RBM18: variants seen among roughly 807,000 people sequenced by gnomAD.
The protein encoded by RBM18 is probable RNA-binding protein 18.
A neutral mutation model predicts 26.4 loss-of-function variants in RBM18; 18 were observed. That is an observed-to-expected ratio of 0.68 (90% confidence interval 0.47 to 1.01). The LOEUF is 1.01. Among genes scored for constraint, RBM18 ranks in the 50% least tolerant of loss-of-function variants. The pLI is 0.00. For synonymous variants in RBM18, 74 were observed against 81.1 expected, an observed-to-expected ratio of 0.91 and a Z score of 0.47; for missense variants, 180 against 219.2, an observed-to-expected ratio of 0.82 and a Z score of 1.13.
At chr9:122,254,379 GGAATGAAAT>G (rs1253609353) in intron 2 of RBM18, 1 of 765,242 alleles carries the variant, frequency 1.3e-6, no homozygotes, top group African/African-American at 1.9e-5. Context: ...TGAAACAAAA[GGAATGAAAT>G]GTTTACTATT....
At chr9:122,249,999 G>A (rs1424648620) in intron 3 of RBM18, among the ~76,000 whole-genome samples, 1 of 145,594 alleles carries the variant, frequency 6.9e-6, no homozygotes, top group Non-Finnish European at 1.5e-5. Context: ...TGAACCCAGA[G>A]GTCAAGGGTG....
At chr9:122,263,527 G>C (rs957670283) in intron 1 of RBM18, among the ~76,000 whole-genome samples, 1 of 152,226 alleles carries the variant, frequency 6.6e-6, no homozygotes, top group Non-Finnish European at 1.5e-5. Flanking sequence ...AGTCAGAGCA[G>C]TGAACAAGCA....
At chr9:122,242,630 A>G (rs1831439303) in intron 5 of RBM18, among the ~76,000 whole-genome samples, 1 of 151,622 alleles carries the variant, frequency 6.6e-6, no homozygotes, top group South Asian at 2.1e-4. Flanking sequence ...AAGTGCTTAC[A>G]ATGAGCCAGG....
At chr9:122,244,177 A>G (rs1460080925) in intron 5 of RBM18, among the ~76,000 whole-genome samples, 1 of 152,190 alleles carries the variant, frequency 6.6e-6, no homozygotes, top group African/African-American at 2.4e-5. Context: ...TAAATGAATA[A>G]CTATAGAATG....
chr9:122,246,698 T>G (rs1254007318), intron 4 of RBM18, among the ~76,000 whole-genome samples: 1 of 152,178 alleles, frequency 6.6e-6, no homozygotes, highest in East Asian at 1.9e-4. Flanking sequence ...GACTCTTTAC[T>G]GGGAAGTTTG....
At chr9:122,254,846 G>T (rs1252399581) in intron 2 of RBM18, among the ~76,000 whole-genome samples, 1 of 152,352 alleles carries the variant, frequency 6.6e-6, no homozygotes, top group Middle Eastern at 3.4e-3. Context: ...TACACAGAGG[G>T]ATGAATACGA....
At chr9:122,249,642 G>A (rs1264462592) in intron 3 of RBM18, among the ~76,000 whole-genome samples, 1 of 151,498 alleles carries the variant, frequency 6.6e-6, no homozygotes, top group Admixed American at 6.6e-5. Flanking sequence ...CCAGGAAGTT[G>A]AGGCTGCACT....
chr9:122,241,964 G>A lies in RBM18; in HGVS notation c.493C>T (p.Pro165Ser), dbSNP rs1360542658. 6.2e-7 allele frequency: 1 copy of A among 1,614,048 alleles called. No individual in the cohort carries two copies. The change falls in exon 6 of 6, where the codon CCT (proline) becomes TCT (serine). Residue 165 changes from proline (P) to serine (S), a missense_variant. This residue lies in a region of RBM18 where 103 missense variants were observed against 102.8 expected (regional missense o/e 1.00). Transcript: ENST00000417201. ...ENPDAEYPAA[P>S]VYSYFKPPDK... is the part of the protein sequence containing the mutation. Reference sequence around the variant, plus strand: ...GGTGGCTTAAAGTAGGAATAAACAGGCGCTGCTGGATACTCTGCATCAGGA... The same window carrying A: ...GGTGGCTTAAAGTAGGAATAAACAGACGCTGCTGGATACTCTGCATCAGGA...
intron 4 of RBM18, among the ~76,000 whole-genome samples, chr9:122,247,200 AAAAT>A (rs1401553204): frequency 6.6e-6 from 1 of 152,136 alleles, no homozygotes; most frequent in East Asian, 1.9e-4. Flanking sequence ...ACTGATTTTA[AAAAT>A]AAATATATAT....
At chr9:122,252,320 C>T (rs1831618047) in intron 2 of RBM18, among the ~76,000 whole-genome samples, 1 of 152,166 alleles carries the variant, frequency 6.6e-6, no homozygotes, top group South Asian at 2.1e-4. Context: ...AATTCCTTGG[C>T]AATGAAATGG....
chr9:122,243,796 T>G (rs1831461980), intron 5 of RBM18: 1 of 985,252 alleles, frequency 1.0e-6, no homozygotes, highest in African/African-American at 1.7e-5. Context: ...TCACTGATTT[T>G]GTATAAGTCA....
At chr9:122,249,941 T>A (rs1485854522) in intron 3 of RBM18, among the ~76,000 whole-genome samples, 1 of 151,710 alleles carries the variant, frequency 6.6e-6, no homozygotes, top group Non-Finnish European at 1.5e-5. Flanking sequence ...CATGCTGGCA[T>A]GTGCCTGTAG....
At chr9:122,247,300 A>G (rs1356427326) in intron 4 of RBM18, among the ~76,000 whole-genome samples, 1 of 152,188 alleles carries the variant, frequency 6.6e-6, no homozygotes, top group Non-Finnish European at 1.5e-5. Context: ...AACCAGGATC[A>G]GTGGGCATGT....
chr9:122,243,695 C>T lies in RBM18; in HGVS notation c.413+1561G>A, dbSNP rs544161962. 9.2e-6 allele frequency: 9 copies of T among 982,512 alleles called. No homozygotes were observed. In the South Asian group the frequency reaches 1.4e-4, roughly 15 times the overall value. The allele number at this position is 982,512 out of a possible 1,614,324, so 60.9% of individuals were successfully genotyped here. A position where few individuals can be genotyped will look rare whatever the true frequency, so the allele number is the denominator to read the frequency against. ...GAGATCCTCGAAAGGTATACATGGG[C>T]GAGAAATTTAAAAACTAAGTTACAA... On this transcript the variant is annotated intron_variant, in intron 5 of 5. Coordinates refer to ENST00000417201, the MANE Select transcript of RBM18 (RefSeq NM_033117.4).
At chr9:122,248,225 T>C (rs537083418) in intron 3 of RBM18, among the ~76,000 whole-genome samples, 61 of 152,310 alleles carry the variant, frequency 4.0e-4, no homozygotes, top group Non-Finnish European at 7.6e-4. Context: ...TAATCTTTAA[T>C]AGATAATATG....
intron 2 of RBM18, among the ~76,000 whole-genome samples, chr9:122,254,073 A>C (rs956739908): frequency 2.0e-5 from 3 of 151,930 alleles, no homozygotes; most frequent in African/African-American, 7.2e-5. Flanking sequence ...CACACACAAA[A>C]AAAACAAAAA....
At chr9:122,259,770 T>C (rs1831756235) in intron 2 of RBM18, among the ~76,000 whole-genome samples, 1 of 152,158 alleles carries the variant, frequency 6.6e-6, no homozygotes, top group Non-Finnish European at 1.5e-5. Context: ...CTCCGTGCAC[T>C]GCAACCTCCG....
At chr9:122,250,341 T>A (rs374484881) in intron 3 of RBM18, among the ~76,000 whole-genome samples, 6 of 152,176 alleles carry the variant, frequency 3.9e-5, no homozygotes, top group African/African-American at 1.4e-4. Context: ...TCTCCCCAAA[T>A]GTGGCAGATA....
At chr9:122,254,084 A>C (rs561863443) in intron 2 of RBM18, among the ~76,000 whole-genome samples, 1 of 152,054 alleles carries the variant, frequency 6.6e-6, no homozygotes, top group East Asian at 1.9e-4. Context: ...AAAACAAAAA[A>C]GACAATCTAA....
Sources: allele counts gnomAD v4.1 joint callset (sites outside exome capture counted in the v4.1 genomes callset), GRCh38; gene constraint gnomAD v4.1.1; regional missense constraint gnomAD v4.1.1; transcripts MANE v1.5; gene names NCBI Gene and HGNC (gene_info 2026-07-23, HGNC 2026-07-21).